The following TMIGD1 variants were observed in gnomAD, a reference collection of about 807,000 sequenced individuals.
TMIGD1 encodes transmembrane and immunoglobulin domain-containing protein 1.
TMIGD1 carries 29 observed loss-of-function variants against 27.5 expected under a neutral mutation model. The ratio of observed to expected loss-of-function variants is 1.05; its 90% CI spans 0.78 to 1.44. The LOEUF is 1.44. Among genes scored for constraint, TMIGD1 ranks in the 40% most tolerant of loss-of-function variants. The pLI, the probability that TMIGD1 is intolerant of heterozygous loss-of-function variation, is 0.00. For missense variants in TMIGD1, 334 were observed against 310.6 expected, an observed-to-expected ratio of 1.08 and a Z score of -0.57; for synonymous variants, 109 against 110.3, an observed-to-expected ratio of 0.99 and a Z score of 0.07.
intron 1 of TMIGD1, among the ~76,000 whole-genome samples, chr17:30,332,673 G>C (rs141274155): frequency 6.6e-6 from 1 of 152,006 alleles, no homozygotes; most frequent in Admixed American, 6.6e-5. Context: ...TGTTAATCTT[G>C]TCTTTCTCCC....
chr17:30,318,899 C>T lies in TMIGD1; in HGVS notation c.655G>A (p.Val219Ile), dbSNP rs928516510. 1 of 1,612,690 alleles carries T rather than the reference C, an allele frequency of 6.2e-7. No individual in the cohort carries two copies. The highest frequency in any genetic ancestry group is 1.1e-5 in the South Asian group (1 of 91,044). ...GCAGCAATAATGGGCTCTATTGGTA[C>T]ACCCACAGTTTTATCTGTAGGAAAT... is the stretch of plus-strand genomic sequence containing the variant. ...HLIVKDKTVG[V>I]PIEPIIAACV... The change falls in exon 5 of 7, where the codon GTA (valine) becomes ATA (isoleucine). Residue 219 changes from valine to isoleucine, a missense_variant. By Grantham distance (29) the Val-to-Ile change is conservative. Transcript: ENST00000328886.
chr17:30,333,629 G>C (rs1483208492), intron 1 of TMIGD1, among the ~76,000 whole-genome samples: 1 of 151,926 alleles, frequency 6.6e-6, no homozygotes, highest in Non-Finnish European at 1.5e-5. Context: ...TTCATGCCAG[G>C]CTCACCCTTT....
intron 1 of TMIGD1, 87 bp downstream of exon 1, chr17:30,333,913 A>G (rs974378254): frequency 6.6e-6 from 1 of 152,376 alleles, no homozygotes; most frequent in Admixed American, 6.6e-5. Flanking sequence ...CCGAGACAGC[A>G]ACTTTTCAAA....
intron 4 of TMIGD1, among the ~76,000 whole-genome samples, chr17:30,320,292 TC>T (rs1401433457): frequency 6.6e-6 from 1 of 152,072 alleles, no homozygotes; most frequent in East Asian, 1.9e-4. Flanking sequence ...TTCCTTGGCC[TC>T]CCTAAGTGCT....
intron 4 of TMIGD1, among the ~76,000 whole-genome samples, chr17:30,323,683 C>A (rs939958506): frequency 2.0e-5 from 3 of 152,158 alleles, no homozygotes; most frequent in Non-Finnish European, 2.9e-5. Context: ...CCCTGGCCTG[C>A]AAGTGTGGTG....
At position 30,329,310 on chromosome 17, in the gene TMIGD1, A is replaced by G; in HGVS notation, c.302T>C (p.Phe101Ser). The change falls in exon 3 of 7, where the codon TTT becomes TCT. Residue 101 changes from phenylalanine to serine, a missense_variant. By Grantham distance (155) the Phe-to-Ser change is radical (BLOSUM62 -2). Coordinates refer to ENST00000328886, the MANE Select transcript of TMIGD1 (RefSeq NM_206832.3). ...CTGATCCCTCCCCAGCCTGCAGGTA[A>G]AGCTGATTCCGTTGTCATTTTCACT... The part of the protein sequence containing the change: ...SISENDNGIS[F>S]TCRLGRDQSV... 6.2e-7 allele frequency: 1 copy of G among 1,614,018 alleles called. No homozygotes were observed. Among genetic ancestry groups the G allele is most frequent in the Non-Finnish European group, 8.5e-7 (1 of 1,179,988 alleles).
chr17:30,329,009 AAGAAAAGAAAAG>A (rs1279259243), intron 3 of TMIGD1, among the ~76,000 whole-genome samples: 3 of 142,462 alleles, frequency 2.1e-5, no homozygotes, highest in East Asian at 3.9e-4. Flanking sequence ...AAAAAGAAAA[AAGAAAAGAAAAG>A]AGAAAAGAAA....
In TMIGD1 at chr17:30,332,073, A is replaced by C. The variant is rs1909996500; in HGVS notation, c.61T>G (p.Phe21Val). The C allele has an allele frequency of 6.2e-7, 1 of 1,612,522 alleles. No homozygotes were observed. The change falls in exon 2 of 7, where the codon TTT (phenylalanine) becomes GTT (valine). Residue 21 changes from phenylalanine (F) to valine (V), a missense_variant. Transcript: ENST00000328886. ...MGRFLLLVILFLPREMTSSVL... is the reference protein window; with the variant it reads ...MGRFLLLVILVLPREMTSSVL... Reference sequence around the variant, plus strand: ...TTACTTGTCATCTCACGTGGCAGAAATAAAATTACTAAGAGAAGAAATCTT... The same window carrying C: ...TTACTTGTCATCTCACGTGGCAGAACTAAAATTACTAAGAGAAGAAATCTT...
intron 3 of TMIGD1, 53 bp from the exon 4 acceptor site, chr17:30,325,147 T>C: frequency 6.5e-7 from 1 of 1,541,020 alleles, no homozygotes; most frequent in Non-Finnish European, 8.8e-7. Context: ...TAGTTCACTG[T>C]CAGAGTTCAA....
Position 30,329,283 on chromosome 17 carries a change from G to C in TMIGD1, c.329C>G (p.Ser110Cys), listed in dbSNP as rs1909893040. The C allele has an allele frequency of 6.2e-7, 1 of 1,613,882 alleles. No homozygotes were observed. The highest frequency in any genetic ancestry group is 1.1e-5 in the South Asian group (1 of 91,072). Residue 110 changes from serine (S) to cysteine (C), a missense_variant, in exon 3 of 7, where the codon TCC becomes TGC. Ser to Cys is a moderately radical substitution (Grantham distance 112). Coordinates refer to ENST00000328886, the MANE Select transcript of TMIGD1 (RefSeq NM_206832.3). ...SFTCRLGRDQSVSVSVVLNVT... is the reference protein window; with the variant it reads ...SFTCRLGRDQCVSVSVVLNVT... ...ATTCAGCACCACCGAAACGGACACG[G>C]ACTGATCCCTCCCCAGCCTGCAGGT...
chr17:30,320,810 T>C (rs1909594624), intron 4 of TMIGD1, among the ~76,000 whole-genome samples: 1 of 152,122 alleles, frequency 6.6e-6, no homozygotes, highest in Admixed American at 6.5e-5. Context: ...CACCCTATGA[T>C]TGCACCTATC....
At position 30,317,092 on chromosome 17, in the gene TMIGD1, C is replaced by G; in HGVS notation, c.785+101G>C. 2.2e-6 allele frequency: 3 copies of G among 1,354,570 alleles called. No homozygotes were observed. In the East Asian group the frequency reaches 6.9e-5, roughly 31 times the overall value. The allele number at this position is 1,354,570 out of a possible 1,614,324, so 83.9% of individuals were successfully genotyped here. ...TCTATTCTCCTTTGAACCCCTTCCC[C>G]TTCCAGCACCTCCCATCTCTGGAGT... On this transcript the variant is annotated intron_variant, in intron 6 of 6. Coordinates refer to ENST00000328886, the MANE Select transcript of TMIGD1 (RefSeq NM_206832.3).
chr17:30,324,941 T>C lies in TMIGD1; in HGVS notation c.515A>G (p.Gln172Arg), dbSNP rs1457648911. Residue 172 changes from glutamine (Q) to arginine (R), a missense_variant, in exon 4 of 7, where the codon CAA becomes CGA. By Grantham distance (43) the Gln-to-Arg change is conservative. Coordinates refer to ENST00000328886, the MANE Select transcript of TMIGD1 (RefSeq NM_206832.3). ...LDLEKSRHQI[Q>R]QTSESFQLSI... ...CAGCTGAAAAGACTCACTTGTCTGT[T>C]GGATTTGGTGACGGCTTTTCTCTAA... is the stretch of plus-strand genomic sequence containing the variant. 3 of 1,614,084 alleles carry C rather than the reference T, an allele frequency of 1.9e-6. No individual in the cohort carries two copies. The highest frequency in any genetic ancestry group is 2.2e-5 in the East Asian group (1 of 44,896).
chr17:30,318,795 A>G lies in TMIGD1; in HGVS notation c.744+15T>C. Reference sequence around the variant, plus strand: ...TGATGGCTTTTTACTTAAATAGCTCAGAATACTTAGATACCTTCATTATTT... The same window carrying G: ...TGATGGCTTTTTACTTAAATAGCTCGGAATACTTAGATACCTTCATTATTT... On this transcript the variant is annotated intron_variant, in intron 5 of 6. Coordinates refer to ENST00000328886, the MANE Select transcript of TMIGD1 (RefSeq NM_206832.3). 6.3e-7 allele frequency: 1 copy of G among 1,575,362 alleles called. No homozygotes were observed. The highest frequency in any genetic ancestry group is 1.7e-4 in the Middle Eastern group (1 of 5,964).
In TMIGD1 at chr17:30,327,569, A is replaced by T. The variant is rs139036575; in HGVS notation, c.361+1682T>A. 5.8e-3 allele frequency among the ~76,000 whole-genome samples: 869 copies of T among 150,694 alleles called. 6 individuals carry two copies. The highest frequency in any genetic ancestry group is 7.6e-3 in the Non-Finnish European group (515 of 67,634). On this transcript the variant is annotated intron_variant, in intron 3 of 6. Transcript: ENST00000328886. ...TTTTTATTTTATTTTATTTTATTTTATTTTTTTTGAGACAGGGTCTCACTC... is the reference window on the plus strand; with the variant it reads ...TTTTTATTTTATTTTATTTTATTTTTTTTTTTTTGAGACAGGGTCTCACTC...
rs1567849629 is a variant in TMIGD1 at position 30,324,933 on chromosome 17, T to C, written c.523A>G (p.Ser175Gly). The C allele has an allele frequency of 1.2e-6, 2 of 1,614,188 alleles. No individual in the cohort carries two copies. Among genetic ancestry groups the C allele is most frequent in the Non-Finnish European group, 1.7e-6 (2 of 1,180,014 alleles). Residue 175 changes from serine (S) to glycine (G), a missense_variant, in exon 4 of 7, where the codon AGT becomes GGT. Coordinates refer to ENST00000328886, the MANE Select transcript of TMIGD1 (RefSeq NM_206832.3). ...EKSRHQIQQT[S>G]ESFQLSITKV... is the part of the protein sequence containing the mutation. Reference sequence around the variant, plus strand: ...GTGATTGACAGCTGAAAAGACTCACTTGTCTGTTGGATTTGGTGACGGCTT... The same window carrying C: ...GTGATTGACAGCTGAAAAGACTCACCTGTCTGTTGGATTTGGTGACGGCTT...
intron 4 of TMIGD1, among the ~76,000 whole-genome samples, chr17:30,323,495 CTAAGCAAGA>C (rs1256049902): frequency 6.6e-5 from 10 of 152,212 alleles, no homozygotes; most frequent in African/African-American, 2.4e-4. Context: ...TGGGAAGTAG[CTAAGCAAGA>C]AGAAATAAGA....
At chr17:30,323,612 A>T (rs965113893) in intron 4 of TMIGD1, among the ~76,000 whole-genome samples, 9 of 152,192 alleles carry the variant, frequency 5.9e-5, no homozygotes, top group African/African-American at 2.2e-4. Context: ...CATAAGCTGT[A>T]CTTTTTTTTA....
chr17:30,322,813 C>T (rs2143149702), intron 4 of TMIGD1, among the ~76,000 whole-genome samples: 1 of 152,310 alleles, frequency 6.6e-6, no homozygotes, highest in East Asian at 1.9e-4. Flanking sequence ...AGCTCTTATT[C>T]TATACACAAA....
Sources: gnomAD v4.1 joint callset for allele counts (sites outside exome capture counted in the v4.1 genomes callset) on GRCh38, gnomAD v4.1.1 for gene constraint, MANE v1.5 for transcripts, NCBI Gene and HGNC (gene_info 2026-07-23, HGNC 2026-07-21) for gene names.